Variants in PXDNL observed in about 807,000 individuals in gnomAD.
PXDNL encodes peroxidasin like.
PXDNL carries 145 observed loss-of-function variants against 150.8 expected under a neutral mutation model. The ratio of observed to expected loss-of-function variants is 0.96; its 90% confidence interval spans 0.84 to 1.10. The LOEUF is 1.10. Ranked by LOEUF, PXDNL falls within the 50% of genes least tolerant of loss-of-function variation. PXDNL has a pLI of 0.00. For missense variants in PXDNL, 2,087 were observed against 1,873.9 expected (o/e 1.11, Z -2.10); for synonymous variants, 757 against 725.7 (o/e 1.04, Z -0.69).
At chr8:51,531,376 C>G (rs983654500) in intron 4 of PXDNL, among the ~76,000 whole-genome samples, 1 of 152,184 alleles carries the variant, frequency 6.6e-6, no homozygotes, top group African/African-American at 2.4e-5. Flanking sequence ...ATTCCTCCCT[C>G]CGCCCCACTG....
intron 5 of PXDNL, among the ~76,000 whole-genome samples, chr8:51,492,681 A>G (rs905861489): frequency 6.6e-6 from 1 of 152,086 alleles, no homozygotes; most frequent in African/African-American, 2.4e-5. Flanking sequence ...AGCCTCTCTC[A>G]TTGCTAGCAC....
chr8:51,773,905 T>C (rs1183975939), intron 1 of PXDNL, among the ~76,000 whole-genome samples: 1 of 152,194 alleles, frequency 6.6e-6, no homozygotes, highest in Non-Finnish European at 1.5e-5. Context: ...TTTCTTTCTT[T>C]CATGAAATAC....
intron 17 of PXDNL, among the ~76,000 whole-genome samples, chr8:51,402,933 AC>A (rs2130868095): frequency 6.7e-6 from 1 of 150,136 alleles, no homozygotes; most frequent in South Asian, 2.1e-4. Flanking sequence ...ACACACACAC[AC>A]ACAAAATTAG....
intron 21 of PXDNL, among the ~76,000 whole-genome samples, chr8:51,327,871 T>C (rs762558815): frequency 3.3e-5 from 5 of 152,070 alleles, no homozygotes; most frequent in African/African-American, 4.8e-5. Flanking sequence ...TAAGGTGAAA[T>C]CTGAAGAGAC....
intron 20 of PXDNL, among the ~76,000 whole-genome samples, chr8:51,343,993 C>T (rs79321924): frequency 0.03 from 4,514 of 152,294 alleles, 216 homozygotes; most frequent in African/African-American, 0.1. Context: ...CTGGAATTTA[C>T]AGCTCTTCAC....
chr8:51,484,394 C>A (rs938214326), intron 5 of PXDNL, among the ~76,000 whole-genome samples: 10 of 151,108 alleles, frequency 6.6e-5, no homozygotes, highest in African/African-American at 2.2e-4. Context: ...GAGATTGCAC[C>A]CCTACACTTC....
intron 5 of PXDNL, among the ~76,000 whole-genome samples, 174 bp from the exon 6 acceptor site, chr8:51,483,888 ATC>A (rs1168183807): frequency 2.6e-5 from 4 of 152,174 alleles, no homozygotes; most frequent in African/African-American, 9.7e-5. Context: ...AGATTTACAT[ATC>A]TCTATCTACC....
At chr8:51,800,109 T>C (rs1474697761) in intron 1 of PXDNL, among the ~76,000 whole-genome samples, 4 of 152,056 alleles carry the variant, frequency 2.6e-5, no homozygotes, top group Non-Finnish European at 1.5e-5. Context: ...TCCAGGCAAC[T>C]CCCTGTTAAA....
chr8:51,736,943 C>A (rs904952752), intron 1 of PXDNL, among the ~76,000 whole-genome samples: 80 of 152,130 alleles, frequency 5.3e-4, no homozygotes, highest in Non-Finnish European at 1.2e-4. Flanking sequence ...AAATGAATTT[C>A]TTTATCCATA....
At chr8:51,745,280 G>A (rs2036970591) in intron 1 of PXDNL, among the ~76,000 whole-genome samples, 1 of 151,994 alleles carries the variant, frequency 6.6e-6, no homozygotes, top group African/African-American at 2.4e-5. Flanking sequence ...GGTATGTCAA[G>A]ATTAAGATTC....
At position 51,601,006 on chromosome 8, in the gene PXDNL, T is replaced by C. The variant is rs1301346986; in HGVS notation, c.237-8308A>G. On this transcript the variant is annotated intron_variant, in intron 2 of 22. Transcript: ENST00000356297. ...ATTATATCTTATATAAATTATATAG[T>C]TTAGATAATAAATTACATCTTATAT... Among the ~76,000 whole-genome samples, 4 of 146,458 alleles carry C rather than the reference T, an allele frequency of 2.7e-5. No individual in the cohort carries two copies. The Admixed American group carries it at 2.8e-4, about 10-fold the overall frequency.
rs867555979 is a variant in PXDNL, at chr8:51,346,997, T to G, written c.3902-1050A>C. On this transcript the variant is annotated intron_variant, in intron 19 of 22. Coordinates refer to ENST00000356297, the MANE Select transcript of PXDNL (RefSeq NM_144651.5). ...AAGATATTTTGAAAATGAAAAAGAA[T>G]GACGTAGGAATCAACATTCTCAGAT... 3.3e-5 allele frequency among the ~76,000 whole-genome samples: 5 copies of G among 152,132 alleles called. No individual in the cohort carries two copies. In the South Asian group the frequency reaches 1.0e-3, roughly 32 times the overall value.
At chr8:51,619,814 A>G (rs1814205427) in intron 2 of PXDNL, among the ~76,000 whole-genome samples, 2 of 152,146 alleles carry the variant, frequency 1.3e-5, no homozygotes, top group South Asian at 4.1e-4. Flanking sequence ...GAACAAACTA[A>G]TACACTGGGT....
At chr8:51,547,591 T>C (rs1462553576) in intron 4 of PXDNL, among the ~76,000 whole-genome samples, 2 of 152,004 alleles carry the variant, frequency 1.3e-5, no homozygotes, top group East Asian at 3.9e-4. Flanking sequence ...AGAAGGGCAA[T>C]AATGGTTACC....
At chr8:51,595,517 A>G (rs1813544868) in intron 2 of PXDNL, among the ~76,000 whole-genome samples, 1 of 152,160 alleles carries the variant, frequency 6.6e-6, no homozygotes, top group South Asian at 2.1e-4. Context: ...TATTTTTTGT[A>G]AGGGGCAATC....
At chr8:51,652,974 T>A (rs889672265) in intron 2 of PXDNL, among the ~76,000 whole-genome samples, 1 of 152,218 alleles carries the variant, frequency 6.6e-6, no homozygotes, top group Non-Finnish European at 1.5e-5. Flanking sequence ...ACTCCTTGAA[T>A]TTTTTAAATG....
intron 14 of PXDNL, among the ~76,000 whole-genome samples, chr8:51,418,591 C>A (rs563086797): frequency 6.6e-6 from 1 of 152,114 alleles, no homozygotes; most frequent in Non-Finnish European, 1.5e-5. Context: ...CTAGAACTCA[C>A]AAGAACTGAA....
chr8:51,745,961 G>C (rs897401427), intron 1 of PXDNL, among the ~76,000 whole-genome samples: 3 of 152,074 alleles, frequency 2.0e-5, no homozygotes, highest in Admixed American at 2.0e-4. Flanking sequence ...GTTTCACCAT[G>C]TTGACCAGGC....
At chr8:51,520,446 G>T (rs1811637864) in intron 4 of PXDNL, among the ~76,000 whole-genome samples, 1 of 152,108 alleles carries the variant, frequency 6.6e-6, no homozygotes, top group Non-Finnish European at 1.5e-5. Flanking sequence ...CAGGAGGAGG[G>T]ACGGAAACGC....
Sources: gnomAD v4.1 joint callset for allele counts (sites outside exome capture counted in the v4.1 genomes callset) on GRCh38, gnomAD v4.1.1 for gene constraint, MANE v1.5 for transcripts, NCBI Gene and HGNC (gene_info 2026-07-23, HGNC 2026-07-21) for gene names.